Variants in DDI2 observed in about 807,000 individuals in gnomAD.
The protein encoded by DDI2 is DDI proteasomal shuttling factor 2.
In DDI2, 5 loss-of-function variants were observed where a neutral mutation model predicts 48.1. The observed-to-expected ratio is 0.10, with a 90% confidence interval of 0.05 to 0.22. The LOEUF is 0.22. Ranked by LOEUF, DDI2 falls within the 10% of genes least tolerant of loss-of-function variation. DDI2 has a pLI of 1.00. For synonymous variants in DDI2, 205 were observed against 183.6 expected, an observed-to-expected ratio of 1.12 and a Z score of -0.94; for missense variants, 285 against 506.2, an observed-to-expected ratio of 0.56 and a Z score of 4.19.
Position 15,667,216 on chromosome 1 carries a change from A to AT in DDI2, c.*7426_*7427insT, listed in dbSNP as rs1640466422. The AT allele has an allele frequency of 6.9e-6, 1 of 144,496 alleles. No homozygotes were observed. The highest frequency in any genetic ancestry group is 1.9e-4 in the East Asian group (1 of 5,182). The allele number at this position is 144,496 out of a possible 1,614,324, so 9.0% of individuals were successfully genotyped here. On this transcript the variant is annotated 3_prime_UTR_variant, in exon 10 of 10. Coordinates refer to ENST00000480945, the MANE Select transcript of DDI2 (RefSeq NM_032341.5). ...TGAGACACCGTCTCAAAAAAAAAAAAAATTTTTTTTTAAATGGAATCAGAG... is the reference window on the plus strand; with the variant it reads ...TGAGACACCGTCTCAAAAAAAAAAAATAATTTTTTTTTAAATGGAATCAGAG...
intron 1 of DDI2, among the ~76,000 whole-genome samples, chr1:15,621,350 G>A (rs547038641): frequency 5.3e-5 from 8 of 152,216 alleles, no homozygotes; most frequent in Admixed American, 5.2e-4. Context: ...TCTTGGAAAT[G>A]CACACAGCAT....
chr1:15,629,049 T>C (rs1447064186), intron 2 of DDI2, among the ~76,000 whole-genome samples: 1 of 152,152 alleles, frequency 6.6e-6, no homozygotes, highest in African/African-American at 2.4e-5. Flanking sequence ...AACCTGGGAG[T>C]TGTAGCTTCT....
chr1:15,626,779 A>C lies in DDI2; in HGVS notation c.249A>C (p.Arg83=). The part of the protein sequence containing the change: ...ILRQKENADP[R]PPVQFPNLPR... ...GACAGAAGGAGAATGCAGACCCTCG[A>C]CCTCCAGTGCAGTTCCCAAGTAAGA... is the stretch of plus-strand genomic sequence containing the variant. The change falls in exon 2 of 10, where the codon CGA becomes CGC. Residue 83 remains arginine, a synonymous_variant. Transcript: ENST00000480945. 6.2e-7 allele frequency: 1 copy of C among 1,614,058 alleles called. No homozygotes were observed. The highest frequency in any genetic ancestry group is 8.5e-7 in the Non-Finnish European group (1 of 1,180,028).
At chr1:15,619,852 T>G (rs1485324302) in intron 1 of DDI2, among the ~76,000 whole-genome samples, 2 of 152,154 alleles carry the variant, frequency 1.3e-5, no homozygotes, top group Non-Finnish European at 2.9e-5. Flanking sequence ...AAATTGATTT[T>G]GTTGTTAGGG....
intron 6 of DDI2, among the ~76,000 whole-genome samples, chr1:15,644,493 C>G (rs1349115931): frequency 6.6e-6 from 1 of 151,814 alleles, no homozygotes; most frequent in Non-Finnish European, 1.5e-5. Flanking sequence ...GCCCCTTAAC[C>G]TTTTCACTGT....
At chr1:15,617,930 C>G in intron 1 of DDI2, 122 bp downstream of exon 1, 1 of 1,326,368 alleles carries the variant, frequency 7.5e-7, no homozygotes, top group Non-Finnish European at 9.8e-7. Context: ...TAGCCATTCT[C>G]AGGTCACCCC....
In DDI2 at chr1:15,633,445, T is replaced by C; in HGVS notation, c.512T>C (p.Phe171Ser). Residue 171 changes from phenylalanine (F) to serine (S), a missense_variant, in exon 4 of 10, where the codon TTT (phenylalanine) becomes TCT (serine). Transcript: ENST00000480945. ...EALLSGDLEK[F>S]SRVLVEQQQD... ...TTCTCCCTTATTTTTGTAGAGAAAT[T>C]TTCTAGAGTCCTGGTGGAGCAGCAG... is the stretch of plus-strand genomic sequence containing the variant. 1 of 1,611,212 alleles carries C rather than the reference T, an allele frequency of 6.2e-7. No homozygotes were observed. Among genetic ancestry groups the C allele is most frequent in the Non-Finnish European group, 8.5e-7 (1 of 1,179,046 alleles).
rs771638311 is a variant in DDI2 at position 15,661,323 on chromosome 1, C to T, written c.*1533C>T. ...CAGCTAAAACATCCAATCAGTTACA[C>T]TGCACCTTAGGTGTAGAAATTTCAC... On this transcript the variant is annotated 3_prime_UTR_variant, in exon 10 of 10. Coordinates refer to ENST00000480945, the MANE Select transcript of DDI2 (RefSeq NM_032341.5). 6.2e-7 allele frequency: 1 copy of T among 1,614,022 alleles called. No homozygotes were observed. The highest frequency in any genetic ancestry group is 2.2e-5 in the East Asian group (1 of 44,872).
chr1:15,660,356 G>C lies in DDI2; in HGVS notation c.*566G>C. Reference sequence around the variant, plus strand: ...GAAAATCAGAACCTGAGTCAAGTGAGTGACCCTCAGCAGCACGAAGAACCA... The same window carrying C: ...GAAAATCAGAACCTGAGTCAAGTGACTGACCCTCAGCAGCACGAAGAACCA... On this transcript the variant is annotated 3_prime_UTR_variant, in exon 10 of 10. Coordinates refer to ENST00000480945, the MANE Select transcript of DDI2 (RefSeq NM_032341.5). 6.2e-7 allele frequency: 1 copy of C among 1,614,116 alleles called. No individual in the cohort carries two copies. Among genetic ancestry groups the C allele is most frequent in the Non-Finnish European group, 8.5e-7 (1 of 1,180,018 alleles).
At chr1:15,631,763 C>G (rs1423315448) in intron 3 of DDI2, among the ~76,000 whole-genome samples, 1 of 151,648 alleles carries the variant, frequency 6.6e-6, no homozygotes, top group Non-Finnish European at 1.5e-5. Flanking sequence ...TTTTAAACTT[C>G]ATGTATATGG....
At chr1:15,621,665 C>T (rs1438135595) in intron 1 of DDI2, among the ~76,000 whole-genome samples, 6 of 152,042 alleles carry the variant, frequency 3.9e-5, no homozygotes, top group African/African-American at 1.4e-4. Flanking sequence ...GGATTACAGG[C>T]GTGAGCCACC....
At chr1:15,624,032 G>A (rs532110150) in intron 1 of DDI2, among the ~76,000 whole-genome samples, 1 of 152,280 alleles carries the variant, frequency 6.6e-6, no homozygotes, top group South Asian at 2.1e-4. Flanking sequence ...CCCAGCCTGG[G>A]CGAGAGCGAG....
chr1:15,634,269 C>G (rs1280732163), intron 4 of DDI2: 2 of 153,214 alleles, frequency 1.3e-5, no homozygotes, highest in East Asian at 3.8e-4. Context: ...CACTGATAGT[C>G]ACAAGCAAGA....
At chr1:15,645,594 C>T (rs151311323) in intron 6 of DDI2, among the ~76,000 whole-genome samples, 152 of 151,742 alleles carry the variant, frequency 1.0e-3, no homozygotes, top group African/African-American at 3.0e-3. Context: ...ACTGGCTGGC[C>T]GGGATGGCTC....
At chr1:15,620,610 T>G (rs758593371) in intron 1 of DDI2, among the ~76,000 whole-genome samples, 6 of 152,200 alleles carry the variant, frequency 3.9e-5, no homozygotes, top group Admixed American at 1.3e-4. Flanking sequence ...TGCCACTATG[T>G]GTCCACACCA....
At chr1:15,638,500 G>C (rs1639958553) in intron 5 of DDI2, 66 bp downstream of exon 5, 35 of 1,537,746 alleles carry the variant, frequency 2.3e-5, no homozygotes, top group Non-Finnish European at 2.8e-5. Context: ...GGGAGAAGGG[G>C]AGGCTCAAGC....
At chr1:15,648,711 A>G (rs554393036) in intron 6 of DDI2, among the ~76,000 whole-genome samples, 1 of 152,136 alleles carries the variant, frequency 6.6e-6, no homozygotes, top group African/African-American at 2.4e-5. Flanking sequence ...AATGAATTAG[A>G]AATCGGACCC....
chr1:15,637,699 T>C (rs1639950205), intron 4 of DDI2, among the ~76,000 whole-genome samples: 2 of 152,338 alleles, frequency 1.3e-5, no homozygotes, highest in Non-Finnish European at 2.9e-5. Context: ...AATTATTTCA[T>C]GGATCAAATG....
At chr1:15,646,758 G>T (rs1249877958) in intron 6 of DDI2, among the ~76,000 whole-genome samples, 2 of 152,066 alleles carry the variant, frequency 1.3e-5, no homozygotes, top group African/African-American at 4.8e-5. Context: ...AGGAGTAAAT[G>T]TAGATAAATG....
Sources: gnomAD v4.1 joint callset for allele counts (sites outside exome capture counted in the v4.1 genomes callset) on GRCh38, gnomAD v4.1.1 for gene constraint, MANE v1.5 for transcripts, NCBI Gene and HGNC (gene_info 2026-07-23, HGNC 2026-07-21) for gene names.